Variants in NBEAL1 observed in about 807,000 individuals in gnomAD.
The protein encoded by NBEAL1 is neurobeachin-like protein 1.
Under a neutral mutation model 351.3 loss-of-function variants are expected in NBEAL1, and 273 were observed. The ratio of observed to expected loss-of-function variants is 0.78; its 90% confidence interval spans 0.70 to 0.86. The LOEUF is 0.86. Among genes scored for constraint, NBEAL1 ranks in the 40% least tolerant of loss-of-function variants. The pLI, the probability that NBEAL1 is intolerant of heterozygous loss-of-function variation, is 0.00. For synonymous variants in NBEAL1, 1,050 were observed against 1,086.4 expected, an observed-to-expected ratio of 0.97 and a Z score of 0.66; for missense variants, 2,961 against 3,201.3, an observed-to-expected ratio of 0.92 and a Z score of 1.81.
At chr2:203,150,453 G>A (rs995485658) in intron 34 of NBEAL1, among the ~76,000 whole-genome samples, 4 of 151,442 alleles carry the variant, frequency 2.6e-5, no homozygotes, top group Admixed American at 2.0e-4. Context: ...TATATATATC[G>A]AATAATAGAC....
chr2:203,124,856 T>C (rs1174012895), intron 19 of NBEAL1, among the ~76,000 whole-genome samples: 2 of 152,190 alleles, frequency 1.3e-5, no homozygotes, highest in East Asian at 3.8e-4. Flanking sequence ...TCAAAAGATA[T>C]AGAAAATATT....
chr2:203,074,391 G>A lies in NBEAL1; in HGVS notation c.599-3361G>A, dbSNP rs567276553. Among the ~76,000 whole-genome samples the A allele has an allele frequency of 5.7e-5, 8 of 141,074 alleles. No individual in the cohort carries two copies. The South Asian group carries it at 6.7e-4, about 12-fold the overall frequency. The allele number at this position is 141,074 out of a possible 152,430, so 92.6% of individuals were successfully genotyped here. A position where few individuals can be genotyped will look rare whatever the true frequency, so the allele number is the denominator to read the frequency against. On this transcript the variant is annotated intron_variant, in intron 7 of 55. Coordinates refer to ENST00000683969, the MANE Select transcript of NBEAL1 (RefSeq NM_001378026.1). ...CCAGGCTGGAGTGGTGCAGTGGCAC[G>A]ATCTTGGCTCACTGCAGCCTCCGCC...
chr2:203,122,260 A>C lies in NBEAL1; in HGVS notation c.2599A>C (p.Lys867Gln). ...ATTTTTCTTTTATTCTTAGGCCTGC[A>C]AAAATTCAATCTGTCTTGATTTATC... ...ILLYYTAKACKNSICLDLSTN... is the reference protein window; with the variant it reads ...ILLYYTAKACQNSICLDLSTN... Residue 867 changes from lysine (K) to glutamine (Q), a missense_variant, in exon 19 of 56, where the codon AAA becomes CAA. Coordinates refer to ENST00000683969, the MANE Select transcript of NBEAL1 (RefSeq NM_001378026.1). The C allele has an allele frequency of 6.5e-7, 1 of 1,528,098 alleles. No homozygotes were observed. Among genetic ancestry groups the C allele is most frequent in the Non-Finnish European group, 8.8e-7 (1 of 1,138,974 alleles). The allele number at this position is 1,528,098 out of a possible 1,614,324, so 94.7% of individuals were successfully genotyped here. A position where few individuals can be genotyped will look rare whatever the true frequency, so the allele number is the denominator to read the frequency against.
At chr2:203,095,004 A>C (rs2106197550) in intron 10 of NBEAL1, among the ~76,000 whole-genome samples, 1 of 152,108 alleles carries the variant, frequency 6.6e-6, no homozygotes, top group South Asian at 2.1e-4. Flanking sequence ...CATGCCTGTA[A>C]TCCCAGCCAC....
intron 2 of NBEAL1, among the ~76,000 whole-genome samples, chr2:203,022,980 GCAGTGAGCTCAGAGTAAACTTCCTTTT>G (rs2060794251): frequency 6.6e-6 from 1 of 152,110 alleles, no homozygotes; most frequent in Non-Finnish European, 1.5e-5. Flanking sequence ...AGATAGTTTT[GCAGTGAGCTCAGAGTAAACTTCCTTTT>G]CAGAATAAAA....
rs1252057256 is a variant in NBEAL1, at chr2:203,041,857, G to A, written c.143+1G>A. On this transcript the variant is annotated splice_donor_variant, in intron 3 of 55. Transcript: ENST00000683969. LOFTEE classifies it high-confidence loss of function. ...TTGACTTTGAAAAGCTGCCTACCAG[G>A]TATGTAGAAACGCTAATTTGTAACC... is the stretch of plus-strand genomic sequence containing the variant. 3 of 1,549,252 alleles carry A rather than the reference G, an allele frequency of 1.9e-6. No homozygotes were observed. The highest frequency in any genetic ancestry group is 2.6e-6 in the Non-Finnish European group (3 of 1,144,380).
In NBEAL1 at chr2:203,135,871, T is replaced by C; in HGVS notation, c.4008T>C (p.Ser1336=). ...CAACTGAAGATACCAAGAAGAACTCTGATGAAAAAACAGATGAGGAAAAAA... is the reference window on the plus strand; with the variant it reads ...CAACTGAAGATACCAAGAAGAACTCCGATGAAAAAACAGATGAGGAAAAAA... ...NMSTEDTKKN[S]DEKTDEEKIT... Residue 1336 remains serine (S), a synonymous_variant, in exon 28 of 56, where the codon TCT becomes TCC. Transcript: ENST00000683969. 6.2e-7 allele frequency: 1 copy of C among 1,614,068 alleles called. No homozygotes were observed. Among genetic ancestry groups the C allele is most frequent in the Non-Finnish European group, 8.5e-7 (1 of 1,179,968 alleles).
chr2:203,144,923 T>G lies in NBEAL1; in HGVS notation c.5154+18T>G, dbSNP rs760898025. ...AAAAATATGTAAGTTTTATCTTTTT[T>G]GATCAAGATTTTTCTGCTAATTTAC... On this transcript the variant is annotated intron_variant, in intron 32 of 55. Transcript: ENST00000683969. 10 of 1,548,052 alleles carry G rather than the reference T, an allele frequency of 6.5e-6. No individual in the cohort carries two copies. The East Asian group carries it at 2.3e-4, about 35-fold the overall frequency.
chr2:203,164,132 A>G (rs1485042029), intron 36 of NBEAL1, among the ~76,000 whole-genome samples: 1 of 151,846 alleles, frequency 6.6e-6, no homozygotes, highest in Non-Finnish European at 1.5e-5. Context: ...AATACATGTG[A>G]TTAAAAACTA....
chr2:203,193,638 T>C (rs928757667), intron 46 of NBEAL1, among the ~76,000 whole-genome samples, 157 bp from the exon 47 acceptor site: 4 of 152,238 alleles, frequency 2.6e-5, no homozygotes, highest in African/African-American at 9.6e-5. Context: ...AAAAAAGTAG[T>C]ATCTCTGCTA....
At chr2:203,016,924 CA>C (rs1424152653) in intron 2 of NBEAL1, among the ~76,000 whole-genome samples, 1 of 152,234 alleles carries the variant, frequency 6.6e-6, no homozygotes, top group East Asian at 1.9e-4. Flanking sequence ...CTTCTCACTA[CA>C]ATACTGTGAG....
chr2:203,154,097 G>A (rs965072592), intron 35 of NBEAL1, among the ~76,000 whole-genome samples: 1 of 151,902 alleles, frequency 6.6e-6, no homozygotes, highest in Non-Finnish European at 1.5e-5. Context: ...TTAGCCGGGC[G>A]TAGTGACGTG....
intron 26 of NBEAL1, among the ~76,000 whole-genome samples, chr2:203,132,374 A>G (rs2063094639): frequency 6.6e-6 from 1 of 152,256 alleles, no homozygotes; most frequent in Admixed American, 6.5e-5. Context: ...GGAACAAGAA[A>G]AGGACACTAC....
chr2:203,154,034 AG>A (rs1480607725), intron 35 of NBEAL1, among the ~76,000 whole-genome samples: 1 of 151,976 alleles, frequency 6.6e-6, no homozygotes, highest in East Asian at 1.9e-4. Flanking sequence ...TCACGAGGTC[AG>A]GAGATCAAGA....
chr2:203,140,301 TA>T (rs989955011), intron 31 of NBEAL1, among the ~76,000 whole-genome samples: 549 of 119,438 alleles, frequency 4.6e-3, no homozygotes, highest in East Asian at 5.9e-3. Flanking sequence ...AAAACTCTGT[TA>T]AAAAAAAAAA....
intron 10 of NBEAL1, chr2:203,085,670 T>A (rs1049243338): frequency 2.0e-5 from 3 of 152,192 alleles, no homozygotes; most frequent in Non-Finnish European, 2.9e-5. Flanking sequence ...ATAATTTAAA[T>A]AAAATTCATA....
intron 10 of NBEAL1, among the ~76,000 whole-genome samples, chr2:203,091,297 G>A (rs2062059907): frequency 2.6e-5 from 4 of 152,232 alleles, no homozygotes; most frequent in African/African-American, 9.6e-5. Context: ...CGTCCATGTC[G>A]TAGCATGTGT....
intron 2 of NBEAL1, among the ~76,000 whole-genome samples, chr2:203,033,115 C>T (rs1474011793): frequency 6.6e-6 from 1 of 152,106 alleles, no homozygotes; most frequent in Non-Finnish European, 1.5e-5. Flanking sequence ...ATTCTCCTGC[C>T]TCAGCCTCCC....
At chr2:203,168,453 C>G (rs2064207690) in intron 38 of NBEAL1, among the ~76,000 whole-genome samples, 1 of 152,108 alleles carries the variant, frequency 6.6e-6, no homozygotes, top group African/African-American at 2.4e-5. Context: ...CGTGGTGGCA[C>G]ATGCCTGTAA....
Sources: allele counts gnomAD v4.1 joint callset (sites outside exome capture counted in the v4.1 genomes callset), GRCh38; gene constraint gnomAD v4.1.1; transcripts MANE v1.5; gene names NCBI Gene and HGNC (gene_info 2026-07-23, HGNC 2026-07-21).